The following USH1G variants were observed in gnomAD, a reference collection of about 807,000 sequenced individuals.
USH1G encodes pre-mRNA splicing regulator USH1G.
USH1G carries 27 observed loss-of-function variants against 31.9 expected under a neutral mutation model. The ratio of observed to expected loss-of-function variants is 0.85; its 90% CI spans 0.62 to 1.17. The LOEUF (loss-of-function observed/expected upper bound fraction) is 1.17. USH1G is among the 50% of genes most tolerant of loss of function. The probability of loss-of-function intolerance (pLI) is 0.00; values close to 1 mark genes in which losing one functional copy is unlikely to be tolerated. For synonymous variants in USH1G, 266 were observed against 283.2 expected (o/e 0.94, Z 0.61); for missense variants, 674 against 638.9 (o/e 1.05, Z -0.59).
In USH1G at chr17:74,920,693, G is replaced by A. The variant is rs1235912177; in HGVS notation, c.165-22C>T. The A allele has an allele frequency of 6.2e-7, 1 of 1,613,078 alleles. No homozygotes were observed. The highest frequency in any genetic ancestry group is 8.5e-7 in the Non-Finnish European group (1 of 1,179,820). On this transcript the variant is annotated intron_variant, in intron 1 of 2. Transcript: ENST00000614341. The surrounding 1 kb of genome is among the most constrained non-coding windows in gnomAD (Gnocchi z 5.2). ...ACCCCTGCAGGGAAAGCATTCAGGAGGGACGAGTGACGAGTCCTGGCTGGG... is the reference window on the plus strand; with the variant it reads ...ACCCCTGCAGGGAAAGCATTCAGGAAGGACGAGTGACGAGTCCTGGCTGGG...
chr17:74,922,965 G>T lies in USH1G; in HGVS notation c.109C>A (p.Leu37Ile). ...AGGTTGCCATGGTAGGCAGCCCAGA[G>T]AGTGGGGGTCATGCCATCCTCGTCG... ...APDEDGMTPTLWAAYHGNLES... is the reference protein window; with the variant it reads ...APDEDGMTPTIWAAYHGNLES... The change falls in exon 1 of 3, where the codon CTC (leucine) becomes ATC (isoleucine). Residue 37 changes from leucine to isoleucine, a missense_variant. Leu to Ile is a conservative substitution (Grantham distance 5). Transcript: ENST00000614341. 1 of 1,554,654 alleles carries T rather than the reference G, an allele frequency of 6.4e-7. No individual in the cohort carries two copies. The highest frequency in any genetic ancestry group is 8.7e-7 in the Non-Finnish European group (1 of 1,147,768).
In USH1G at chr17:74,919,624, A is replaced by G; in HGVS notation, c.1212T>C (p.Phe404=). The G allele has an allele frequency of 6.2e-7, 1 of 1,612,814 alleles. No individual in the cohort carries two copies. Among genetic ancestry groups the G allele is most frequent in the East Asian group, 2.2e-5 (1 of 44,870 alleles). ...TCTTCTCCTGCCGCAGGAGGGCGGC[A>G]AAGTCCTCCATGTGCAGAGAGGCCA... The part of the protein sequence containing the change: ...TFLASLHMED[F]AALLRQEKID... Residue 404 remains phenylalanine (F), a synonymous_variant, in exon 2 of 3, where the codon TTT becomes TTC. Transcript: ENST00000614341. The surrounding 1 kb of genome is among the most constrained non-coding windows in gnomAD (Gnocchi z 4.5).
At position 74,921,453 on chromosome 17, in the gene USH1G, G is replaced by A. The variant is rs528480176; in HGVS notation, c.165-782C>T. 1.3e-4 allele frequency among the ~76,000 whole-genome samples: 19 copies of A among 151,920 alleles called. No homozygotes were observed. Among genetic ancestry groups the A allele is most frequent in the Admixed American group, 1.1e-3 (17 of 15,288 alleles). On this transcript the variant is annotated intron_variant, in intron 1 of 2. Coordinates refer to ENST00000614341, the MANE Select transcript of USH1G (RefSeq NM_173477.5). This position sits in a 1 kb window ranked among gnomAD's most constrained non-coding sequence, Gnocchi z 4.6. ...CACAAGCACCCTTCACACCAGACGGGTGTCCCCCAGGGCAAGCTCCCAAGA... is the reference window on the plus strand; with the variant it reads ...CACAAGCACCCTTCACACCAGACGGATGTCCCCCAGGGCAAGCTCCCAAGA...
At position 74,920,804 on chromosome 17, in the gene USH1G, C is replaced by G; in HGVS notation, c.165-133G>C. ...AAGGGACCGTGGGCCTGAGATCTCT[C>G]CCACTCCAGGAGACCTGCAGGCCTG... On this transcript the variant is annotated intron_variant, in intron 1 of 2. Transcript: ENST00000614341. The surrounding 1 kb of genome is among the most constrained non-coding windows in gnomAD (Gnocchi z 5.2). 1 of 1,356,676 alleles carries G rather than the reference C, an allele frequency of 7.4e-7. No individual in the cohort carries two copies. The highest frequency in any genetic ancestry group is 1.0e-6 in the Non-Finnish European group (1 of 997,170). The allele number at this position is 1,356,676 out of a possible 1,614,324, so 84.0% of individuals were successfully genotyped here.
rs1201183962 is a variant in USH1G at position 74,919,705 on chromosome 17, G to C, written c.1131C>G (p.Leu377=). The change falls in exon 2 of 3, where the codon CTC becomes CTG. Residue 377 remains leucine, a synonymous_variant. Transcript: ENST00000614341. The surrounding 1 kb of genome is among the most constrained non-coding windows in gnomAD (Gnocchi z 4.5). ...SCGEELPWDE[L]DLGLDEDLEP... ...CCAGGTCCTCGTCCAAGCCTAAATC[G>C]AGCTCATCCCAGGGCAGCTCCTCCC... 6.2e-7 allele frequency: 1 copy of C among 1,612,746 alleles called. No homozygotes were observed. The highest frequency in any genetic ancestry group is 1.7e-5 in the Admixed American group (1 of 60,008).
chr17:74,920,356 G>A lies in USH1G; in HGVS notation c.480C>T (p.Arg160=), dbSNP rs138590256. The part of the protein sequence containing the change: ...CAKLQRRHHE[R]MERRYRRELA... ...GCTCGCGCCGGTATCGCCGCTCCAT[G>A]CGTTCGTGGTGCCTCCGCTGCAGCT... The change falls in exon 2 of 3, where the codon CGC becomes CGT. Residue 160 remains arginine (R), a synonymous_variant. Coordinates refer to ENST00000614341, the MANE Select transcript of USH1G (RefSeq NM_173477.5). This position sits in a 1 kb window ranked among gnomAD's most constrained non-coding sequence, Gnocchi z 5.2. 29 of 1,612,040 alleles carry A rather than the reference G, an allele frequency of 1.8e-5. No homozygotes were observed. The African/African-American group carries it at 3.5e-4, about 19-fold the overall frequency.
rs2038895507 is a variant in USH1G, at chr17:74,918,807, T to C, written c.1382+647A>G. Among the ~76,000 whole-genome samples the C allele has an allele frequency of 8.0e-6, 1 of 124,310 alleles. No individual in the cohort carries two copies. Among genetic ancestry groups the C allele is most frequent in the Non-Finnish European group, 1.6e-5 (1 of 61,338 alleles). The allele number at this position is 124,310 out of a possible 152,430, so 81.6% of individuals were successfully genotyped here. ...CCTGGATGACAAGAGGGAAACTGTC[T>C]CAAAAAAAAAAAAAAAAAAATCTGC... On this transcript the variant is annotated intron_variant, in intron 2 of 2. Coordinates refer to ENST00000614341, the MANE Select transcript of USH1G (RefSeq NM_173477.5). This position sits in a 1 kb window ranked among gnomAD's most constrained non-coding sequence, Gnocchi z 4.1.
In USH1G at chr17:74,917,968, C is replaced by G; in HGVS notation, c.*105G>C. The G allele has an allele frequency of 6.7e-7, 1 of 1,495,760 alleles. No homozygotes were observed. Among genetic ancestry groups the G allele is most frequent in the Admixed American group, 1.8e-5 (1 of 56,686 alleles). 92.7% of individuals were successfully genotyped at this position (1,495,760 alleles called of 1,614,324 possible). A position where few individuals can be genotyped will look rare whatever the true frequency, so the allele number is the denominator to read the frequency against. ...GGAGTCGCCCCAACTGGTCCTTGCT[C>G]CTGGGGAAGGGGGCTGCAGGGCTGG... On this transcript the variant is annotated 3_prime_UTR_variant, in exon 3 of 3. Coordinates refer to ENST00000614341, the MANE Select transcript of USH1G (RefSeq NM_173477.5).
In USH1G at chr17:74,919,632, C is replaced by A. The variant is rs2038909007; in HGVS notation, c.1204G>T (p.Glu402Ter). The change falls in exon 2 of 3, where the codon GAG (glutamate) becomes TAG (stop). Residue 402 changes from glutamate (E) to a stop codon, truncating the protein, a stop_gained. Transcript: ENST00000614341. LOFTEE classifies it high-confidence loss of function. This position sits in a 1 kb window ranked among gnomAD's most constrained non-coding sequence, Gnocchi z 4.5. ...LETFLASLHM[E>*]DFAALLRQEK... is the part of the protein sequence containing the mutation. The stretch of plus-strand genomic sequence containing the variant: ...TGCCGCAGGAGGGCGGCAAAGTCCT[C>A]CATGTGCAGAGAGGCCAGGAAGGTC... The A allele has an allele frequency of 6.2e-7, 1 of 1,612,730 alleles. No individual in the cohort carries two copies.
In USH1G at chr17:74,922,941, G is replaced by A; in HGVS notation, c.133C>T (p.Leu45Phe). Residue 45 changes from leucine to phenylalanine, a missense_variant, in exon 1 of 3, where the codon CTC becomes TTC. Physicochemically the swap from Leu to Phe is conservative, Grantham distance 22. Transcript: ENST00000614341. ...CTCACAATGAGACGCAGCGACTCGA[G>A]GTTGCCATGGTAGGCAGCCCAGAGA... ...PTLWAAYHGNLESLRLIVSRG... is the reference protein window; with the variant it reads ...PTLWAAYHGNFESLRLIVSRG... 6.5e-7 allele frequency: 1 copy of A among 1,548,854 alleles called. No individual in the cohort carries two copies. Among genetic ancestry groups the A allele is most frequent in the Non-Finnish European group, 8.7e-7 (1 of 1,144,210 alleles).
At position 74,919,931 on chromosome 17, in the gene USH1G, C is replaced by A. The variant is rs2144753436; in HGVS notation, c.905G>T (p.Gly302Val). Residue 302 changes from glycine to valine, a missense_variant, in exon 2 of 3, where the codon GGC (glycine) becomes GTC (valine). Physicochemically the swap from Gly to Val is moderately radical, Grantham distance 109. Coordinates refer to ENST00000614341, the MANE Select transcript of USH1G (RefSeq NM_173477.5). The surrounding 1 kb of genome is among the most constrained non-coding windows in gnomAD (Gnocchi z 4.5). Reference protein sequence around the residue: ...PAHSEVSTDSGHDSLFTRPGL... With the variant: ...PAHSEVSTDSVHDSLFTRPGL... ...GGGGCGGGTAAACAGGGAGTCGTGG[C>A]CTGAGTCGGTGCTGACCTCCGAGTG... is the stretch of plus-strand genomic sequence containing the variant. 1 of 1,612,824 alleles carries A rather than the reference C, an allele frequency of 6.2e-7. No homozygotes were observed. The highest frequency in any genetic ancestry group is 8.5e-7 in the Non-Finnish European group (1 of 1,179,712).
At position 74,923,147 on chromosome 17, in the gene USH1G, G is replaced by T. The variant is rs929409245; in HGVS notation, c.-74C>A. 323 of 1,424,564 alleles carry T rather than the reference G, an allele frequency of 2.3e-4. 1 individual carries two copies. The highest frequency in any genetic ancestry group is 2.9e-4 in the Non-Finnish European group (308 of 1,066,294). The allele number at this position is 1,424,564 out of a possible 1,614,324, so 88.2% of individuals were successfully genotyped here. On this transcript the variant is annotated 5_prime_UTR_variant, in exon 1 of 3. Coordinates refer to ENST00000614341, the MANE Select transcript of USH1G (RefSeq NM_173477.5). This position sits in a 1 kb window ranked among gnomAD's most constrained non-coding sequence, Gnocchi z 5.3. ...CGCAGGGGAGGGCGGCGGTATTAGG[G>T]CTGAGGCATGAGGTTGGAGGACGGG...
At position 74,919,603 on chromosome 17, in the gene USH1G, C is replaced by G; in HGVS notation, c.1233G>C (p.Glu411Asp). ...GCATCAAAGCCTCGAGGTCGATCTTCTCCTGCCGCAGGAGGGCGGCAAAGT... is the reference window on the plus strand; with the variant it reads ...GCATCAAAGCCTCGAGGTCGATCTTGTCCTGCCGCAGGAGGGCGGCAAAGT... The part of the protein sequence containing the change: ...MEDFAALLRQ[E>D]KIDLEALMLC... The change falls in exon 2 of 3, where the codon GAG (glutamate) becomes GAC (aspartate). Residue 411 changes from glutamate to aspartate, a missense_variant. Physicochemically the swap from Glu to Asp is conservative, Grantham distance 45. Transcript: ENST00000614341. This position sits in a 1 kb window ranked among gnomAD's most constrained non-coding sequence, Gnocchi z 4.5. The G allele has an allele frequency of 6.2e-7, 1 of 1,612,786 alleles. No individual in the cohort carries two copies. Among genetic ancestry groups the G allele is most frequent in the Non-Finnish European group, 8.5e-7 (1 of 1,180,018 alleles).
At position 74,920,237 on chromosome 17, in the gene USH1G, G is replaced by T; in HGVS notation, c.599C>A (p.Pro200Gln). The T allele has an allele frequency of 1.2e-6, 2 of 1,602,750 alleles. No homozygotes were observed. Among genetic ancestry groups the T allele is most frequent in the Non-Finnish European group, 1.7e-6 (2 of 1,179,666 alleles). Residue 200 changes from proline to glutamine, a missense_variant, in exon 2 of 3, where the codon CCG (proline) becomes CAG (glutamine). Coordinates refer to ENST00000614341, the MANE Select transcript of USH1G (RefSeq NM_173477.5). This position sits in a 1 kb window ranked among gnomAD's most constrained non-coding sequence, Gnocchi z 5.2. ...LQHLALGSHL[P>Q]YSQATLHGTA... ...GCCGTGCAGCGTGGCCTGAGAGTACGGCAGGTGGCTGCCCAGCGCCAGATG... is the reference window on the plus strand; with the variant it reads ...GCCGTGCAGCGTGGCCTGAGAGTACTGCAGGTGGCTGCCCAGCGCCAGATG...
Position 74,918,227 on chromosome 17 carries a change from T to G in USH1G, c.1383-151A>C, listed in dbSNP as rs1598581082. On this transcript the variant is annotated intron_variant, in intron 2 of 2. Transcript: ENST00000614341. This position sits in a 1 kb window ranked among gnomAD's most constrained non-coding sequence, Gnocchi z 4.1. ...GGGGGACGCCAGCCTATGGGTGACC[T>G]CCCCATCCCCAAAACTCTGAACCAG... is the stretch of plus-strand genomic sequence containing the variant. 1.9e-6 allele frequency: 2 copies of G among 1,041,916 alleles called. No individual in the cohort carries two copies. Among genetic ancestry groups the G allele is most frequent in the Admixed American group, 2.0e-5 (1 of 49,448 alleles). 64.5% of individuals were successfully genotyped at this position (1,041,916 alleles called of 1,614,324 possible).
chr17:74,920,273 C>A lies in USH1G; in HGVS notation c.563G>T (p.Arg188Leu), dbSNP rs201123735. The change falls in exon 2 of 3, where the codon CGC becomes CTC. Residue 188 changes from arginine (R) to leucine (L), a missense_variant. By Grantham distance (102) the Arg-to-Leu change is moderately radical. Coordinates refer to ENST00000614341, the MANE Select transcript of USH1G (RefSeq NM_173477.5). The surrounding 1 kb of genome is among the most constrained non-coding windows in gnomAD (Gnocchi z 5.2). ...GCCCAGCGCCAGATGCTGCAGCCGG[C>A]GGCTCAGGGTGCTGGACGTGAGGCT... Reference protein sequence around the residue: ...FSSLTSSTLSRRLQHLALGSH... With the variant: ...FSSLTSSTLSLRLQHLALGSH... 7.1e-5 allele frequency: 114 copies of A among 1,603,276 alleles called. No homozygotes were observed. Among genetic ancestry groups the A allele is most frequent in the Non-Finnish European group, 9.3e-5 (110 of 1,179,134 alleles).
In USH1G at chr17:74,918,762, A is replaced by G. The variant is rs1486614515; in HGVS notation, c.1383-686T>C. ...AACCCGGGAGGTGGAGGTTACAGTG[A>G]TTGTGCCACTGCACTCCAGCCTGGA... On this transcript the variant is annotated intron_variant, in intron 2 of 2. Transcript: ENST00000614341. The surrounding 1 kb of genome is among the most constrained non-coding windows in gnomAD (Gnocchi z 4.1). Among the ~76,000 whole-genome samples, 1 of 149,882 alleles carries G rather than the reference A, an allele frequency of 6.7e-6. No individual in the cohort carries two copies. The highest frequency in any genetic ancestry group is 1.5e-5 in the Non-Finnish European group (1 of 67,728).
rs770350814 is a variant in USH1G, at chr17:74,920,200, G to GC, written c.635dup (p.Lys213GlnfsTer143). 2 of 1,602,354 alleles carry GC rather than the reference G, an allele frequency of 1.2e-6. No homozygotes were observed. Among genetic ancestry groups the GC allele is most frequent in the Non-Finnish European group, 1.7e-6 (2 of 1,179,812 alleles). ...CCAGCTTCTTCTGCATCTTGGTCTT[G>GC]CCCCTGGCCGTGCCGTGCAGCGTGG... On this transcript the variant is annotated frameshift_variant, in exon 2 of 3. Transcript: ENST00000614341. LOFTEE classifies it high-confidence loss of function. The surrounding 1 kb of genome is among the most constrained non-coding windows in gnomAD (Gnocchi z 5.2).
In USH1G at chr17:74,920,112, G is replaced by A. The variant is rs753272581; in HGVS notation, c.724C>T (p.Arg242Cys). The change falls in exon 2 of 3, where the codon CGC becomes TGC. Residue 242 changes from arginine (R) to cysteine (C), a missense_variant. Physicochemically the swap from Arg to Cys is radical, Grantham distance 180. Transcript: ENST00000614341. The surrounding 1 kb of genome is among the most constrained non-coding windows in gnomAD (Gnocchi z 5.2). ...CCCAGCTGCAGGCCCGAGAGCGAGCGGGCGCTCTTGCGCCCATCCTCGGAG... is the reference window on the plus strand; with the variant it reads ...CCCAGCTGCAGGCCCGAGAGCGAGCAGGCGCTCTTGCGCCCATCCTCGGAG... ...KVSEDGRKSARSLSGLQLGSD... is the reference protein window; with the variant it reads ...KVSEDGRKSACSLSGLQLGSD... 2 of 1,602,980 alleles carry A rather than the reference G, an allele frequency of 1.2e-6. No individual in the cohort carries two copies. The highest frequency in any genetic ancestry group is 1.7e-6 in the Non-Finnish European group (2 of 1,179,460).
Sources: allele counts gnomAD v4.1 joint callset (sites outside exome capture counted in the v4.1 genomes callset), GRCh38; gene constraint gnomAD v4.1.1; non-coding constraint Gnocchi (gnomAD v3.1); transcripts MANE v1.5; gene names NCBI Gene and HGNC (gene_info 2026-07-23, HGNC 2026-07-21).